KCNV2: variants seen among roughly 807,000 people sequenced by gnomAD.
The protein encoded by KCNV2 is potassium voltage-gated channel subfamily V member 2.
In KCNV2, 65 loss-of-function variants were observed where a neutral mutation model predicts 37.0. That is an observed-to-expected ratio of 1.76 (90% confidence interval 1.44 to 2.16). The LOEUF (loss-of-function observed/expected upper bound fraction) is 2.16. Among genes scored for constraint, KCNV2 ranks in the 30% most tolerant of loss-of-function variants. KCNV2 has a pLI of 0.00. For synonymous variants in KCNV2, 518 were observed against 328.6 expected (o/e 1.58, Z -6.23); for missense variants, 1,232 against 766.7 (o/e 1.61, Z -7.17).
In KCNV2 at chr9:2,729,780, CTCTT is replaced by C; in HGVS notation, c.*55_*58del. ...TTCCATGAACTTCAAGGCTTCATTGCTCTTTTTTTAATCATTATGATTGGCAGCA... is the reference window on the plus strand; with the variant it reads ...TTCCATGAACTTCAAGGCTTCATTGCTTTTTAATCATTATGATTGGCAGCA... On this transcript the variant is annotated 3_prime_UTR_variant, in exon 2 of 2. Transcript: ENST00000382082. The C allele has an allele frequency of 1.3e-6, 2 of 1,560,056 alleles. No individual in the cohort carries two copies. Among genetic ancestry groups the C allele is most frequent in the Non-Finnish European group, 8.8e-7 (1 of 1,131,462 alleles).
At chr9:2,725,847 T>G (rs577175363) in intron 1 of KCNV2, among the ~76,000 whole-genome samples, 1 of 152,332 alleles carries the variant, frequency 6.6e-6, no homozygotes, top group South Asian at 2.1e-4. Context: ...CCAAGTATTC[T>G]CAAGTTTTGG....
intron 1 of KCNV2, among the ~76,000 whole-genome samples, chr9:2,723,357 C>T (rs1420140950): frequency 1.3e-5 from 2 of 152,140 alleles, no homozygotes; most frequent in East Asian, 1.9e-4. Flanking sequence ...TTTTAATAAT[C>T]TTTCTTCTCT....
chr9:2,724,457 A>G (rs140460683), intron 1 of KCNV2, among the ~76,000 whole-genome samples: 1 of 152,210 alleles, frequency 6.6e-6, no homozygotes, highest in African/African-American at 2.4e-5. Context: ...CTAGAAGAAG[A>G]AAAAAAAGAA....
At chr9:2,728,298 A>G (rs1168902041) in intron 1 of KCNV2, among the ~76,000 whole-genome samples, 1 of 152,190 alleles carries the variant, frequency 6.6e-6, no homozygotes, top group Non-Finnish European at 1.5e-5. Flanking sequence ...ACCCAAATAC[A>G]CAAAGCAAAG....
chr9:2,718,417 C>G lies in KCNV2; in HGVS notation c.678C>G (p.Val226=), dbSNP rs767223506. 1.9e-6 allele frequency: 3 copies of G among 1,603,574 alleles called. No individual in the cohort carries two copies. The highest frequency in any genetic ancestry group is 2.6e-6 in the Non-Finnish European group (3 of 1,176,122). Residue 226 remains valine, a synonymous_variant, in exon 1 of 2, where the codon GTC becomes GTG. Coordinates refer to ENST00000382082, the MANE Select transcript of KCNV2 (RefSeq NM_133497.4). ...IQHELRAQAQ[V]EEAEELFRDM... ...ACGAGCTGCGCGCGCAGGCGCAGGT[C>G]GAGGAGGCGGAGGAACTCTTCCGCG...
chr9:2,723,042 G>A (rs545059575), intron 1 of KCNV2, among the ~76,000 whole-genome samples: 2 of 152,258 alleles, frequency 1.3e-5, no homozygotes, highest in East Asian at 1.9e-4. Flanking sequence ...CCCACCATAG[G>A]AGGGCACTGC....
rs1819760701 is a variant in KCNV2, at chr9:2,717,831, G to A, written c.92G>A (p.Cys31Tyr). 1 of 1,614,220 alleles carries A rather than the reference G, an allele frequency of 6.2e-7. No homozygotes were observed. The highest frequency in any genetic ancestry group is 1.3e-5 in the African/African-American group (1 of 75,074). The stretch of plus-strand genomic sequence containing the variant: ...GGCAGCCAACACCGCAGGAGCATTT[G>A]CTCCCTGGGTGCCCGTTCCGGCTCC... ...NEGSQHRRSI[C>Y]SLGARSGSQA... Residue 31 changes from cysteine (C) to tyrosine (Y), a missense_variant, in exon 1 of 2, where the codon TGC becomes TAC. Cys to Tyr is a radical substitution (Grantham distance 194). Transcript: ENST00000382082.
At position 2,718,280 on chromosome 9, in the gene KCNV2, T is replaced by G. The variant is rs534069865; in HGVS notation, c.541T>G (p.Phe181Val). 6.2e-7 allele frequency: 1 copy of G among 1,611,916 alleles called. No individual in the cohort carries two copies. Among genetic ancestry groups the G allele is most frequent in the South Asian group, 1.1e-5 (1 of 90,946 alleles). ...GCTCGACGGGCTGTGTCCGCGCCGC[T>G]TCCTGGAGGAGCTGGGCTACTGGGG... ...LVLDGLCPRR[F>V]LEELGYWGVR... Residue 181 changes from phenylalanine to valine, a missense_variant, in exon 1 of 2, where the codon TTC becomes GTC. By Grantham distance (50) the Phe-to-Val change is conservative. Transcript: ENST00000382082.
chr9:2,718,871 GTCATGCGCC>G lies in KCNV2; in HGVS notation c.1141_1149del (p.Leu381_Arg383del), dbSNP rs745311059. ...GGGTAAGGTGGGTCAGGTGTTGCGC[GTCATGCGCC>G]TCATGCGCATCTTCCGCATCCTCAA... On this transcript the variant is annotated inframe_deletion, in exon 1 of 2. Transcript: ENST00000382082. The G allele has an allele frequency of 1.4e-5, 23 of 1,608,982 alleles. No individual in the cohort carries two copies. The highest frequency in any genetic ancestry group is 8.3e-5 in the Admixed American group (5 of 60,024).
Position 2,729,735 on chromosome 9 carries a change from T to G in KCNV2, c.*8T>G. The G allele has an allele frequency of 6.2e-7, 1 of 1,613,772 alleles. No individual in the cohort carries two copies. The highest frequency in any genetic ancestry group is 8.5e-7 in the Non-Finnish European group (1 of 1,179,704). ...CCAAGACAAGAGAATTAGTATTTTA[T>G]AGGACATGTGGCTGGTAGATTCCAT... On this transcript the variant is annotated 3_prime_UTR_variant, in exon 2 of 2. Coordinates refer to ENST00000382082, the MANE Select transcript of KCNV2 (RefSeq NM_133497.4).
chr9:2,722,663 G>A (rs932648149), intron 1 of KCNV2, among the ~76,000 whole-genome samples: 5 of 150,228 alleles, frequency 3.3e-5, no homozygotes, highest in Non-Finnish European at 7.4e-5. Flanking sequence ...CCATAATAAC[G>A]ATACATCACC....
chr9:2,719,244 G>A lies in KCNV2; in HGVS notation c.1356+149G>A, dbSNP rs972808116. The A allele has an allele frequency of 1.3e-5, 11 of 815,164 alleles. No individual in the cohort carries two copies. In the East Asian group the frequency reaches 2.4e-4, roughly 18 times the overall value. 50.5% of individuals were successfully genotyped at this position (815,164 alleles called of 1,614,324 possible). ...CGCCGCATACAGCTAACAAAACGGC[G>A]ATGGATGTCAAAAGTGGTGGAAAGA... is the stretch of plus-strand genomic sequence containing the variant. On this transcript the variant is annotated intron_variant, in intron 1 of 1. Coordinates refer to ENST00000382082, the MANE Select transcript of KCNV2 (RefSeq NM_133497.4).
intron 1 of KCNV2, among the ~76,000 whole-genome samples, chr9:2,721,849 G>A (rs1819875341): frequency 6.6e-6 from 1 of 152,024 alleles, no homozygotes; most frequent in Non-Finnish European, 1.5e-5. Context: ...TTGAGATAAA[G>A]TTTGAAAGAT....
At chr9:2,722,801 C>A (rs1296606239) in intron 1 of KCNV2, among the ~76,000 whole-genome samples, 1 of 152,142 alleles carries the variant, frequency 6.6e-6, no homozygotes, top group Admixed American at 6.5e-5. Flanking sequence ...TACTCATTCA[C>A]ATGCCTGATG....
chr9:2,719,240 C>T (rs934790964), intron 1 of KCNV2, 145 bp downstream of exon 1: 4 of 843,798 alleles, frequency 4.7e-6, no homozygotes, highest in Non-Finnish European at 7.5e-6. Flanking sequence ...GCTAACAAAA[C>T]GGCGATGGAT....
intron 1 of KCNV2, among the ~76,000 whole-genome samples, chr9:2,728,228 C>A (rs147609980): frequency 5.9e-5 from 9 of 152,154 alleles, no homozygotes; most frequent in African/African-American, 2.2e-4. Flanking sequence ...CACCTCAGCA[C>A]GGATCAACAA....
At chr9:2,719,941 A>G (rs1586688401) in intron 1 of KCNV2, among the ~76,000 whole-genome samples, 1 of 152,264 alleles carries the variant, frequency 6.6e-6, no homozygotes, top group Non-Finnish European at 1.5e-5. Flanking sequence ...GTTTACTCAA[A>G]TATCTGTATT....
rs1257547518 is a variant in KCNV2 at position 2,717,803 on chromosome 9, G to A, written c.64G>A (p.Glu22Lys). 2 of 1,614,254 alleles carry A rather than the reference G, an allele frequency of 1.2e-6. No individual in the cohort carries two copies. Among genetic ancestry groups the A allele is most frequent in the Admixed American group, 1.7e-5 (1 of 60,036 alleles). Residue 22 changes from glutamate (E) to lysine (K), a missense_variant, in exon 1 of 2, where the codon GAG (glutamate) becomes AAG (lysine). Coordinates refer to ENST00000382082, the MANE Select transcript of KCNV2 (RefSeq NM_133497.4). ...SYRPWNTTEN[E>K]GSQHRRSICS... Reference sequence around the variant, plus strand: ...CAGGCCCTGGAACACGACGGAGAATGAGGGCAGCCAACACCGCAGGAGCAT... The same window carrying A: ...CAGGCCCTGGAACACGACGGAGAATAAGGGCAGCCAACACCGCAGGAGCAT...
chr9:2,720,672 G>A (rs111915772), intron 1 of KCNV2: 4 of 152,198 alleles, frequency 2.6e-5, no homozygotes, highest in African/African-American at 9.7e-5. Flanking sequence ...CAACACTTGA[G>A]AGTCAAATTT....
Sources: gnomAD v4.1 joint callset for allele counts (sites outside exome capture counted in the v4.1 genomes callset) on GRCh38, gnomAD v4.1.1 for gene constraint, MANE v1.5 for transcripts, NCBI Gene and HGNC (gene_info 2026-07-23, HGNC 2026-07-21) for gene names.